CEP112: variants seen among roughly 807,000 people sequenced by gnomAD.
CEP112 encodes centrosomal protein of 112 kDa.
Under a neutral mutation model 153.0 loss-of-function variants are expected in CEP112, and 127 were observed. The ratio of observed to expected loss-of-function variants is 0.83; its 90% confidence interval spans 0.72 to 0.96. The LOEUF is 0.96. Among genes scored for constraint, CEP112 ranks in the 40% least tolerant of loss-of-function variants. The probability of loss-of-function intolerance (pLI) is 0.00; values close to 1 mark genes in which losing one functional copy is unlikely to be tolerated. For synonymous variants in CEP112, 358 were observed against 374.4 expected (o/e 0.96, Z 0.51); for missense variants, 1,089 against 1,101.2 (o/e 0.99, Z 0.16).
At chr17:65,947,006 T>C (rs1386586361) in intron 18 of CEP112, among the ~76,000 whole-genome samples, 1 of 152,176 alleles carries the variant, frequency 6.6e-6, no homozygotes, top group Non-Finnish European at 1.5e-5. Flanking sequence ...TAGGTACGAA[T>C]AAAATGTATT....
At position 65,667,595 on chromosome 17, in the gene CEP112, G is replaced by A. The variant is rs75045566; in HGVS notation, c.2697+21534C>T. ...CACACACACACACACAAAACCTATC[G>A]AGAGGAATCTCTCATAGAGGCTAAA... On this transcript the variant is annotated intron_variant, in intron 24 of 26. Transcript: ENST00000535342. 2.6e-3 allele frequency among the ~76,000 whole-genome samples: 391 copies of A among 151,020 alleles called. 2 individuals carry two copies. The highest frequency in any genetic ancestry group is 7.0e-3 in the African/African-American group (287 of 41,036).
chr17:65,660,375 C>T (rs1255412685), intron 24 of CEP112, among the ~76,000 whole-genome samples: 1 of 129,922 alleles, frequency 7.7e-6, no homozygotes, highest in Non-Finnish European at 1.6e-5. Flanking sequence ...CCCTCCCTTC[C>T]TTCCTTCCTT....
intron 24 of CEP112, among the ~76,000 whole-genome samples, chr17:65,654,056 C>CAAAA (rs773433478): frequency 0.021 from 562 of 26,276 alleles, 11 homozygotes; most frequent in African/African-American, 0.043. Context: ...AAGACTCCAT[C>CAAAA]AAAAAAAAAA....
chr17:65,882,934 C>T (rs1294592149), intron 20 of CEP112, among the ~76,000 whole-genome samples: 1 of 152,086 alleles, frequency 6.6e-6, no homozygotes, highest in African/African-American at 2.4e-5. Context: ...CTCAAGGGGC[C>T]CTTCCTTGGC....
intron 18 of CEP112, among the ~76,000 whole-genome samples, chr17:65,936,466 G>A (rs1200183540): frequency 6.6e-6 from 1 of 151,934 alleles, no homozygotes; most frequent in Non-Finnish European, 1.5e-5. Context: ...AGGACACAAG[G>A]AAAGAACATT....
chr17:65,937,589 G>A (rs1199678119), intron 18 of CEP112, among the ~76,000 whole-genome samples: 9 of 103,470 alleles, frequency 8.7e-5, no homozygotes, highest in South Asian at 5.2e-4. Context: ...CCCCCCACCC[G>A]GCCAGCCGCC....
intron 18 of CEP112, among the ~76,000 whole-genome samples, chr17:65,928,732 C>T (rs1233463099): frequency 6.6e-6 from 1 of 152,050 alleles, no homozygotes; most frequent in Non-Finnish European, 1.5e-5. Flanking sequence ...AGCGTGGTGG[C>T]ATGGGCCTAC....
intron 17 of CEP112, among the ~76,000 whole-genome samples, chr17:65,971,473 A>G (rs562140591): frequency 1.8e-4 from 20 of 110,004 alleles, no homozygotes; most frequent in East Asian, 2.0e-3. Flanking sequence ...CACATGTATC[A>G]TGCATGTATG....
intron 21 of CEP112, among the ~76,000 whole-genome samples, chr17:65,831,036 A>G (rs2057054717): frequency 1.3e-5 from 2 of 152,372 alleles, no homozygotes; most frequent in South Asian, 4.1e-4. Flanking sequence ...ACAACAGGCC[A>G]GCATTTAACT....
At chr17:65,767,472 G>A (rs1035972336) in intron 21 of CEP112, among the ~76,000 whole-genome samples, 14 of 151,570 alleles carry the variant, frequency 9.2e-5, no homozygotes, top group African/African-American at 3.4e-4. Flanking sequence ...AAGCCTCACA[G>A]AATTAGAAAA....
At position 66,005,787 on chromosome 17, in the gene CEP112, T is replaced by C; in HGVS notation, c.1657-18A>G. Reference sequence around the variant, plus strand: ...TCATGAGCCTGCCATGACAAGAACATGGAAAATTTATTGGAAGACGAGTAA... The same window carrying C: ...TCATGAGCCTGCCATGACAAGAACACGGAAAATTTATTGGAAGACGAGTAA... On this transcript the variant is annotated intron_variant, in intron 16 of 26. Transcript: ENST00000535342. 6.3e-7 allele frequency: 1 copy of C among 1,588,936 alleles called. No homozygotes were observed. The highest frequency in any genetic ancestry group is 1.4e-5 in the African/African-American group (1 of 73,618).
At chr17:66,100,063 G>GAA (rs1006942384) in intron 6 of CEP112, among the ~76,000 whole-genome samples, 1 of 149,708 alleles carries the variant, frequency 6.7e-6, no homozygotes, top group African/African-American at 2.5e-5. Flanking sequence ...CTAGATTCAG[G>GAA]AAAAAAAAAC....
chr17:66,175,033 T>G lies in CEP112; in HGVS notation c.470+11A>C. The G allele has an allele frequency of 6.6e-7, 1 of 1,514,342 alleles. No homozygotes were observed. Among genetic ancestry groups the G allele is most frequent in the Non-Finnish European group, 8.9e-7 (1 of 1,126,250 alleles). 93.8% of individuals were successfully genotyped at this position (1,514,342 alleles called of 1,614,324 possible). On this transcript the variant is annotated intron_variant, in intron 4 of 26. Transcript: ENST00000535342. ...ATGAAACACATTCAAAATCCCATTC[T>G]CTTTACATACCTGTAGACATCAGTT...
intron 21 of CEP112, among the ~76,000 whole-genome samples, chr17:65,820,471 T>C (rs1243719513): frequency 2.0e-5 from 3 of 152,142 alleles, no homozygotes; most frequent in Non-Finnish European, 4.4e-5. Context: ...AGCACTGACC[T>C]AAATATACAG....
chr17:65,862,359 C>A lies in CEP112; in HGVS notation c.2164-10325G>T, dbSNP rs1009692800. Among the ~76,000 whole-genome samples, 6 of 152,208 alleles carry A rather than the reference C, an allele frequency of 3.9e-5. No homozygotes were observed. In the East Asian group the frequency reaches 1.2e-3, roughly 29 times the overall value. On this transcript the variant is annotated intron_variant, in intron 20 of 26. Coordinates refer to ENST00000535342, the MANE Select transcript of CEP112 (RefSeq NM_001199165.4). ...ATCCTAGCACTTTGGGAGGCCAAGG[C>A]GAGTGGATCACGAGGTCAGGAGATC...
At chr17:65,876,406 T>C (rs561686580) in intron 20 of CEP112, among the ~76,000 whole-genome samples, 4 of 152,210 alleles carry the variant, frequency 2.6e-5, no homozygotes, top group Non-Finnish European at 5.9e-5. Context: ...GGCATTTTTC[T>C]CTTTTACCAT....
intron 6 of CEP112, among the ~76,000 whole-genome samples, chr17:66,116,281 CTT>C (rs1278823725): frequency 1.3e-5 from 2 of 151,904 alleles, no homozygotes; most frequent in Non-Finnish European, 2.9e-5. Context: ...TTTTTGTCCT[CTT>C]GTTTCTAGAT....
chr17:66,111,978 T>C lies in CEP112; in HGVS notation c.643-15346A>G, dbSNP rs557732540. ...GCACAAATGATTAGTCTCCAAAATG[T>C]GTAAACAAGGCCTTTAAAAATCAAT... is the stretch of plus-strand genomic sequence containing the variant. On this transcript the variant is annotated intron_variant, in intron 6 of 26. Coordinates refer to ENST00000535342, the MANE Select transcript of CEP112 (RefSeq NM_001199165.4). Among the ~76,000 whole-genome samples the C allele has an allele frequency of 3.8e-4, 58 of 152,258 alleles. No homozygotes were observed. The South Asian group carries it at 5.6e-3, about 15-fold the overall frequency.
In CEP112 at chr17:66,021,437, T is replaced by A. The variant is rs139020883; in HGVS notation, c.1656+6064A>T. Among the ~76,000 whole-genome samples the A allele has an allele frequency of 2.6e-4, 39 of 152,288 alleles. No individual in the cohort carries two copies. The East Asian group carries it at 7.4e-3, about 29-fold the overall frequency. On this transcript the variant is annotated intron_variant, in intron 16 of 26. Coordinates refer to ENST00000535342, the MANE Select transcript of CEP112 (RefSeq NM_001199165.4). ...GAGAGTTGCTGAAGAGGCATGGTTT[T>A]GCCTGGGTAGCAGGTTTTGTGGCCA...
Sources: allele counts gnomAD v4.1 joint callset (sites outside exome capture counted in the v4.1 genomes callset), GRCh38; gene constraint gnomAD v4.1.1; transcripts MANE v1.5; gene names NCBI Gene and HGNC (gene_info 2026-07-23, HGNC 2026-07-21).